The following COL14A1 variants were observed in gnomAD, a reference collection of about 807,000 sequenced individuals.
COL14A1 encodes collagen alpha-1(XIV) chain.
COL14A1 carries 136 observed loss-of-function variants against 230.3 expected under a neutral mutation model. The observed-to-expected ratio is 0.59, with a 90% CI of 0.51 to 0.68. The LOEUF (loss-of-function observed/expected upper bound fraction) is 0.68, where lower values mean the gene tolerates loss of function less well. COL14A1 is among the 30% of genes least tolerant of loss of function. The probability of loss-of-function intolerance (pLI) is 0.00; values close to 1 mark genes in which losing one functional copy is unlikely to be tolerated. For synonymous variants in COL14A1, 792 were observed against 784.1 expected (o/e 1.01, Z -0.17); for missense variants, 1,976 against 2,215.8 (o/e 0.89, Z 2.17).
At chr8:120,235,294 C>T (rs751753319) in intron 19 of COL14A1, among the ~76,000 whole-genome samples, 2 of 151,998 alleles carry the variant, frequency 1.3e-5, no homozygotes, top group Admixed American at 6.6e-5. Context: ...CTCAGCCTTC[C>T]GAGTTGCTGG....
intron 29 of COL14A1, 149 bp from the exon 30 acceptor site, chr8:120,280,562 C>A: frequency 1.3e-6 from 1 of 765,580 alleles, no homozygotes; most frequent in South Asian, 1.7e-5. Context: ...TTCATGAAAC[C>A]ACAGAAAACC....
At chr8:120,318,646 TG>T (rs1318745585) in intron 40 of COL14A1, among the ~76,000 whole-genome samples, 1 of 152,064 alleles carries the variant, frequency 6.6e-6, no homozygotes, top group African/African-American at 2.4e-5. Flanking sequence ...GGTTTGGCAG[TG>T]GGAGAGGAGG....
At chr8:120,263,249 G>A (rs149149415) in intron 24 of COL14A1, among the ~76,000 whole-genome samples, 26 of 152,252 alleles carry the variant, frequency 1.7e-4, no homozygotes, top group African/African-American at 6.0e-4. Flanking sequence ...AGACTAGAAG[G>A]CCACACGATA....
chr8:120,256,322 C>G (rs1819148676), intron 23 of COL14A1, among the ~76,000 whole-genome samples: 1 of 152,184 alleles, frequency 6.6e-6, no homozygotes, highest in African/African-American at 2.4e-5. Flanking sequence ...CTGACTATAG[C>G]TATATTCAAA....
intron 20 of COL14A1, among the ~76,000 whole-genome samples, chr8:120,246,226 T>C (rs1318573700): frequency 5.9e-5 from 9 of 152,168 alleles, no homozygotes; most frequent in Non-Finnish European, 1.3e-4. Context: ...CCTCCTCCCG[T>C]GCTTATGCCG....
At position 120,209,761 on chromosome 8, in the gene COL14A1, T is replaced by C; in HGVS notation, c.1327T>C (p.Leu443=). The change falls in exon 12 of 48, where the codon TTA becomes CTA. Residue 443 remains leucine, a synonymous_variant. Transcript: ENST00000297848. ...TAAAAAAAAATCTCTTGCAGTTGCTTTACCGATGGCTTCTGACCTTCTACT... is the reference window on the plus strand; with the variant it reads ...TAAAAAAAAATCTCTTGCAGTTGCTCTACCGATGGCTTCTGACCTTCTACT... ...GLRGTETTLA[L]PMASDLLLYD... is the part of the protein sequence containing the mutation. 6.2e-7 allele frequency: 1 copy of C among 1,601,820 alleles called. No individual in the cohort carries two copies. The highest frequency in any genetic ancestry group is 1.1e-5 in the South Asian group (1 of 88,458).
chr8:120,214,281 C>T (rs576484744), intron 13 of COL14A1, among the ~76,000 whole-genome samples: 41 of 152,258 alleles, frequency 2.7e-4, no homozygotes, highest in African/African-American at 9.4e-4. Context: ...CAAGTTACTT[C>T]AATTTTGTGA....
rs1814947177 is a variant in COL14A1, at chr8:120,142,493, G to C, written c.-37-5313G>C. Among the ~76,000 whole-genome samples, 4 of 152,206 alleles carry C rather than the reference G, an allele frequency of 2.6e-5. No homozygotes were observed. The South Asian group carries it at 8.3e-4, about 32-fold the overall frequency. On this transcript the variant is annotated intron_variant, in intron 1 of 47. Coordinates refer to ENST00000297848, the MANE Select transcript of COL14A1 (RefSeq NM_021110.4). ...ATTTTCCCAATGTCTTCTGTGTTCT[G>C]ATAAATTAATCCAGGCTATAATGCT...
At chr8:120,322,461 G>A (rs1322901884) in intron 40 of COL14A1, among the ~76,000 whole-genome samples, 1 of 152,174 alleles carries the variant, frequency 6.6e-6, no homozygotes, top group African/African-American at 2.4e-5. Flanking sequence ...ATGAGGGTTG[G>A]TTGTACAGAT....
intron 47 of COL14A1, chr8:120,370,842 TA>T (rs763531419): frequency 2.2e-6 from 3 of 1,356,050 alleles, no homozygotes; most frequent in African/African-American, 1.5e-5. Context: ...TGAGATTTTT[TA>T]AAAAAATTTC....
chr8:120,201,004 CA>C, intron 8 of COL14A1, among the ~76,000 whole-genome samples: 1 of 151,352 alleles, frequency 6.6e-6, no homozygotes, highest in Non-Finnish European at 1.5e-5. Flanking sequence ...AAAAAGTATC[CA>C]ATAAATGGCT....
intron 2 of COL14A1, among the ~76,000 whole-genome samples, chr8:120,154,134 A>G (rs1050907543): frequency 6.6e-6 from 1 of 152,208 alleles, no homozygotes; most frequent in Non-Finnish European, 1.5e-5. Context: ...TAATAAACAA[A>G]TGTGAATATT....
At chr8:120,241,906 T>C (rs1818619051) in intron 19 of COL14A1, among the ~76,000 whole-genome samples, 1 of 152,200 alleles carries the variant, frequency 6.6e-6, no homozygotes, top group Non-Finnish European at 1.5e-5. Context: ...GAATTACAGA[T>C]TGAGAATTCC....
intron 8 of COL14A1, among the ~76,000 whole-genome samples, chr8:120,202,444 A>G (rs755991516): frequency 3.3e-5 from 5 of 152,154 alleles, no homozygotes; most frequent in African/African-American, 2.4e-5. Flanking sequence ...CCTTGCTTCT[A>G]TAGAACCTCC....
Position 120,371,354 on chromosome 8 carries a change from C to A in COL14A1, c.*123C>A. On this transcript the variant is annotated 3_prime_UTR_variant, in exon 48 of 48. Coordinates refer to ENST00000297848, the MANE Select transcript of COL14A1 (RefSeq NM_021110.4). ...CAGGGCTCATTTCAGCAGCCTAAAT[C>A]TCCTCCTTGGATAATGTTAATATTA... 1 of 505,722 alleles carries A rather than the reference C, an allele frequency of 2.0e-6. No homozygotes were observed. The highest frequency in any genetic ancestry group is 3.5e-6 in the Non-Finnish European group (1 of 287,676). 31.3% of individuals were successfully genotyped at this position (505,722 alleles called of 1,614,324 possible). A position where few individuals can be genotyped will look rare whatever the true frequency, so the allele number is the denominator to read the frequency against.
chr8:120,329,404 C>T (rs1397327136), intron 40 of COL14A1, among the ~76,000 whole-genome samples: 2 of 152,162 alleles, frequency 1.3e-5, no homozygotes, highest in East Asian at 1.9e-4. Flanking sequence ...CCTAGGAGTC[C>T]GAGACCAGCC....
chr8:120,137,230 TAAATTGTTGGGATTATTGG>T (rs1277163950), intron 1 of COL14A1, among the ~76,000 whole-genome samples: 2 of 152,168 alleles, frequency 1.3e-5, no homozygotes, highest in Non-Finnish European at 2.9e-5. Flanking sequence ...CCAAGTAAGC[TAAATTGTTGGGATTATTGG>T]CAAAAAGTTA....
At chr8:120,248,970 G>C (rs576464422) in intron 21 of COL14A1, among the ~76,000 whole-genome samples, 2 of 118,158 alleles carry the variant, frequency 1.7e-5, no homozygotes, top group African/African-American at 6.9e-5. Flanking sequence ...CTGTCACCCA[G>C]GCTGGAGTAC....
intron 21 of COL14A1, 54 bp downstream of exon 21, chr8:120,247,789 C>T: frequency 1.3e-6 from 2 of 1,575,046 alleles, no homozygotes; most frequent in Non-Finnish European, 1.7e-6. Context: ...CTTAAAATGT[C>T]TTTTAAGATA....
Sources: allele counts gnomAD v4.1 joint callset (sites outside exome capture counted in the v4.1 genomes callset), GRCh38; gene constraint gnomAD v4.1.1; transcripts MANE v1.5; gene names NCBI Gene and HGNC (gene_info 2026-07-23, HGNC 2026-07-21).